The following NRG1 variants were observed in gnomAD, a reference collection of about 807,000 sequenced individuals.
The protein encoded by NRG1 is pro-neuregulin-1, membrane-bound isoform.
In NRG1, 18 loss-of-function variants were observed where a neutral mutation model predicts 63.8. The ratio of observed to expected loss-of-function variants is 0.28; its 90% CI spans 0.19 to 0.42. NRG1 has a LOEUF of 0.42. Ranked by LOEUF, NRG1 falls within the 10% of genes least tolerant of loss-of-function variation. The pLI is 1.00. For synonymous variants in NRG1, 302 were observed against 301.3 expected (o/e 1.00, Z -0.02); for missense variants, 762 against 814.7 (o/e 0.94, Z 0.79).
chr8:31,967,971 C>A (rs960836695), intron 1 of NRG1, among the ~76,000 whole-genome samples: 1 of 152,120 alleles, frequency 6.6e-6, no homozygotes, highest in African/African-American at 2.4e-5. Flanking sequence ...GGAGGTTCAG[C>A]TTTTAATTTT....
At chr8:32,507,669 TA>T (rs1211500455) in intron 1 of NRG1, among the ~76,000 whole-genome samples, 8 of 152,218 alleles carry the variant, frequency 5.3e-5, no homozygotes, top group African/African-American at 1.9e-4. Flanking sequence ...CATTTGGAAG[TA>T]ACTTGGTAGT....
At chr8:32,317,930 C>T (rs527852106) in intron 1 of NRG1, among the ~76,000 whole-genome samples, 8 of 152,046 alleles carry the variant, frequency 5.3e-5, no homozygotes, top group East Asian at 1.9e-4. Flanking sequence ...TTCTATATGA[C>T]GCCAGGGCTT....
chr8:32,729,314 A>G (rs1383150908), intron 6 of NRG1, among the ~76,000 whole-genome samples: 3 of 152,226 alleles, frequency 2.0e-5, no homozygotes, highest in Non-Finnish European at 4.4e-5. Context: ...TTTTATTGAA[A>G]TGATGAAAAT....
intron 1 of NRG1, among the ~76,000 whole-genome samples, chr8:32,114,409 A>G (rs1832436034): frequency 6.6e-6 from 1 of 152,176 alleles, no homozygotes; most frequent in East Asian, 1.9e-4. Context: ...CAGAAGTATC[A>G]AAAAGCTCTG....
At chr8:32,686,484 C>T (rs1007937060) in intron 5 of NRG1, among the ~76,000 whole-genome samples, 1 of 152,112 alleles carries the variant, frequency 6.6e-6, no homozygotes, top group Admixed American at 6.5e-5. Flanking sequence ...GAGACAGGGC[C>T]GGTAGTGACA....
At position 31,953,036 on chromosome 8, in the gene NRG1, G is replaced by A. The variant is rs371444695; in HGVS notation, c.37+313605G>A. On this transcript the variant is annotated intron_variant, in intron 1 of 10. Transcript: ENST00000519301. ...TCTTAATATGCTTTCTTCTTAATCA[G>A]GCAATAATTTGTAGGTTTGGGCCTC... is the stretch of plus-strand genomic sequence containing the variant. Among the ~76,000 whole-genome samples the A allele has an allele frequency of 8.5e-5, 13 of 152,142 alleles. No homozygotes were observed. In the South Asian group the frequency reaches 1.4e-3, roughly 17 times the overall value.
At chr8:32,702,553 CT>C in intron 5 of NRG1, among the ~76,000 whole-genome samples, 1 of 152,132 alleles carries the variant, frequency 6.6e-6, no homozygotes, top group Non-Finnish European at 1.5e-5. Flanking sequence ...GTGGTGCAGT[CT>C]TGGCTAACTA....
chr8:32,345,705 C>G (rs1382669313), intron 1 of NRG1, among the ~76,000 whole-genome samples: 2 of 152,268 alleles, frequency 1.3e-5, no homozygotes, highest in Middle Eastern at 3.4e-3. Context: ...TGCAGTGGCT[C>G]ATACCTGTAA....
At chr8:32,109,242 T>C (rs979270797) in intron 1 of NRG1, among the ~76,000 whole-genome samples, 5 of 152,164 alleles carry the variant, frequency 3.3e-5, no homozygotes, top group African/African-American at 1.2e-4. Flanking sequence ...CATGCACACA[T>C]ATCATTCATT....
At position 32,362,333 on chromosome 8, in the gene NRG1, T is replaced by A. The variant is rs1271358954; in HGVS notation, c.38-233495T>A. Among the ~76,000 whole-genome samples, 6 of 152,370 alleles carry A rather than the reference T, an allele frequency of 3.9e-5. No homozygotes were observed. The South Asian group carries it at 1.2e-3, about 32-fold the overall frequency. On this transcript the variant is annotated intron_variant, in intron 1 of 10. Coordinates refer to the NRG1 transcript ENST00000519301. Reference sequence around the variant, plus strand: ...TACCACCTAGTAAATATTTGTTTAATGTTACTTATTTAACTGCAGAGATAT... The same window carrying A: ...TACCACCTAGTAAATATTTGTTTAAAGTTACTTATTTAACTGCAGAGATAT...
chr8:32,219,325 C>G (rs1845571210), intron 1 of NRG1, among the ~76,000 whole-genome samples: 1 of 152,134 alleles, frequency 6.6e-6, no homozygotes, highest in African/African-American at 2.4e-5. Context: ...TTTTATTGAG[C>G]TTTTGCAGGA....
upstream of NRG1, among the ~76,000 whole-genome samples, chr8:32,543,674 T>C (rs1471272989): frequency 5.3e-5 from 8 of 152,138 alleles, no homozygotes; most frequent in Admixed American, 5.2e-4. Context: ...TAATCATTAG[T>C]ATGTAGTAAT....
intron 1 of NRG1, among the ~76,000 whole-genome samples, chr8:32,273,012 A>G (rs972501368): frequency 3.9e-5 from 6 of 152,210 alleles, no homozygotes. Flanking sequence ...CTCTGATAAG[A>G]GTCCAGAATT....
At chr8:32,760,572 A>ACC in intron 11 of NRG1, 166 bp downstream of exon 11, 15 of 1,432,026 alleles carry the variant, frequency 1.0e-5, no homozygotes, top group South Asian at 5.9e-5. Flanking sequence ...TGTTTGACGG[A>ACC]ACTTATTTCT....
chr8:32,170,519 C>A (rs983713371), intron 1 of NRG1, among the ~76,000 whole-genome samples: 4 of 152,106 alleles, frequency 2.6e-5, no homozygotes, highest in African/African-American at 9.7e-5. Flanking sequence ...ATCTATGGAC[C>A]CAACTGGAAT....
intron 1 of NRG1, among the ~76,000 whole-genome samples, chr8:31,868,570 G>A (rs1190776772): frequency 2.6e-5 from 4 of 152,178 alleles, no homozygotes; most frequent in Admixed American, 2.6e-4. Flanking sequence ...AGTCCAGCCT[G>A]TGTGAAACTC....
intron 1 of NRG1, among the ~76,000 whole-genome samples, chr8:32,265,538 T>C (rs1396544948): frequency 6.6e-6 from 1 of 152,008 alleles, no homozygotes; most frequent in East Asian, 1.9e-4. Flanking sequence ...AATTTAAAAA[T>C]ACAATAAAAA....
chr8:32,494,411 T>C (rs2129495295), intron 1 of NRG1, among the ~76,000 whole-genome samples: 1 of 152,334 alleles, frequency 6.6e-6, no homozygotes, highest in Non-Finnish European at 1.5e-5. Flanking sequence ...ATTATACTAC[T>C]TTTTAACACA....
chr8:31,765,401 C>T (rs1205934350), intron 1 of NRG1, among the ~76,000 whole-genome samples: 2 of 152,056 alleles, frequency 1.3e-5, no homozygotes, highest in African/African-American at 4.8e-5. Flanking sequence ...AAATGCTTGC[C>T]TTGTTTCTGA....
Sources: allele counts gnomAD v4.1 joint callset (sites outside exome capture counted in the v4.1 genomes callset), GRCh38; gene constraint gnomAD v4.1.1; transcripts MANE v1.5; gene names NCBI Gene and HGNC (gene_info 2026-07-23, HGNC 2026-07-21).